Variants in ABCC4 observed in about 807,000 individuals in gnomAD.
ABCC4 encodes ATP-binding cassette sub-family C member 4.
Under a neutral mutation model 168.5 loss-of-function variants are expected in ABCC4, and 102 were observed. That is an observed-to-expected ratio of 0.61 (90% confidence interval 0.52 to 0.71). The LOEUF (loss-of-function observed/expected upper bound fraction) is 0.71, where lower values mean the gene tolerates loss of function less well. Ranked by LOEUF, ABCC4 falls within the 30% of genes least tolerant of loss-of-function variation. ABCC4 has a pLI of 0.00. For missense variants in ABCC4, 1,402 were observed against 1,605.8 expected (o/e 0.87, Z 2.17); for synonymous variants, 617 against 590.7 (o/e 1.04, Z -0.65).
intron 1 of ABCC4, among the ~76,000 whole-genome samples, chr13:95,266,783 G>GC (rs2040687615): frequency 6.6e-6 from 1 of 150,952 alleles, no homozygotes; most frequent in African/African-American, 2.4e-5. Flanking sequence ...TCTGTGCACT[G>GC]CATTACCAGC....
rs552394068 is a variant in ABCC4 at position 95,165,232 on chromosome 13, G to A, written c.2035-714C>T. ...AGATGGAAACATAAAAGAGCAGGGG[G>A]TCAAAACATGAGCTCAACACAGTAA... On this transcript the variant is annotated intron_variant, in intron 15 of 30. Coordinates refer to ENST00000645237, the MANE Select transcript of ABCC4 (RefSeq NM_005845.5). Among the ~76,000 whole-genome samples, 4 of 152,264 alleles carry A rather than the reference G, an allele frequency of 2.6e-5. No individual in the cohort carries two copies. The South Asian group carries it at 6.2e-4, about 24-fold the overall frequency.
intron 20 of ABCC4, among the ~76,000 whole-genome samples, chr13:95,107,206 G>A (rs554567779): frequency 7.2e-5 from 11 of 152,282 alleles, no homozygotes; most frequent in Admixed American, 5.9e-4. Flanking sequence ...ACAGTGAGCC[G>A]AGATGGCACC....
At chr13:95,104,928 A>G (rs1594102162) in intron 20 of ABCC4, among the ~76,000 whole-genome samples, 1 of 152,126 alleles carries the variant, frequency 6.6e-6, no homozygotes, top group African/African-American at 2.4e-5. Context: ...GCGGAGGACA[A>G]TTTTTCCATG....
intron 14 of ABCC4, among the ~76,000 whole-genome samples, chr13:95,169,887 C>A (rs906479200): frequency 1.3e-5 from 2 of 152,130 alleles, no homozygotes; most frequent in Non-Finnish European, 2.9e-5. Context: ...GACAGAGTCT[C>A]ACTCTGTAGC....
intron 2 of ABCC4, 58 bp downstream of exon 2, chr13:95,247,585 C>A: frequency 7.2e-7 from 1 of 1,382,828 alleles, no homozygotes; most frequent in Non-Finnish European, 1.0e-6. Flanking sequence ...GCAAAACCCA[C>A]TCCCCACACA....
rs1199166132 is a variant in ABCC4, at chr13:95,206,615, C to G, written c.1078G>C (p.Ala360Pro). The change falls in exon 8 of 31, where the codon GCT (alanine) becomes CCT (proline). Residue 360 changes from alanine to proline, a missense_variant. This residue lies in a region of ABCC4 where 78 missense variants were observed against 133.0 expected (regional missense o/e 0.59). Coordinates refer to ENST00000645237, the MANE Select transcript of ABCC4 (RefSeq NM_005845.5). Reference sequence around the variant, plus strand: ...AAGAGGGTAACCGTCAGCCGCACAGCCCCATACAGCGTCACTGCCACGAAC... The same window carrying G: ...AAGAGGGTAACCGTCAGCCGCACAGGCCCATACAGCGTCACTGCCACGAAC... ...RVFVAVTLYG[A>P]VRLTVTLFFP... 1 of 1,614,070 alleles carries G rather than the reference C, an allele frequency of 6.2e-7. No individual in the cohort carries two copies. Among genetic ancestry groups the G allele is most frequent in the African/African-American group, 1.3e-5 (1 of 74,918 alleles).
intron 1 of ABCC4, among the ~76,000 whole-genome samples, chr13:95,294,208 A>T (rs545102272): frequency 5.3e-5 from 8 of 151,942 alleles, no homozygotes; most frequent in South Asian, 2.1e-4. Flanking sequence ...AATAAATAAA[A>T]AATTATCCGG....
intron 9 of ABCC4, among the ~76,000 whole-genome samples, chr13:95,194,068 C>A (rs933882470): frequency 1.3e-5 from 2 of 152,336 alleles, no homozygotes; most frequent in African/African-American, 4.8e-5. Context: ...AGGGAGCCCA[C>A]TGCTTCCTTG....
intron 4 of ABCC4, among the ~76,000 whole-genome samples, chr13:95,221,096 G>A (rs562206038): frequency 2.0e-5 from 3 of 152,278 alleles, no homozygotes; most frequent in South Asian, 2.1e-4. Context: ...ACTCACAAAA[G>A]GATAAATATG....
intron 19 of ABCC4, among the ~76,000 whole-genome samples, chr13:95,147,021 T>G (rs1488935437): frequency 1.3e-5 from 2 of 152,212 alleles, no homozygotes; most frequent in Non-Finnish European, 1.5e-5. Flanking sequence ...TATCAAATTA[T>G]TTCTAAAAGA....
chr13:95,198,782 A>C (rs2038535666), intron 8 of ABCC4, among the ~76,000 whole-genome samples: 1 of 152,230 alleles, frequency 6.6e-6, no homozygotes, highest in African/African-American at 2.4e-5. Context: ...GCAGCCATAA[A>C]AAAGGATGAG....
At chr13:95,108,110 TACTG>T (rs1269816648) in intron 20 of ABCC4, among the ~76,000 whole-genome samples, 11 of 152,158 alleles carry the variant, frequency 7.2e-5, no homozygotes, top group African/African-American at 2.7e-4. Context: ...CTGGGAATCT[TACTG>T]ACCACTCAAA....
intron 4 of ABCC4, among the ~76,000 whole-genome samples, chr13:95,218,891 AT>A (rs1388668854): frequency 4.1e-5 from 3 of 73,276 alleles, no homozygotes; most frequent in African/African-American, 1.8e-4. Flanking sequence ...AGACAGACAG[AT>A]GAGAGAGAGA....
intron 26 of ABCC4, among the ~76,000 whole-genome samples, chr13:95,056,656 A>C (rs2033069052): frequency 1.3e-5 from 2 of 152,000 alleles, no homozygotes; most frequent in Admixed American, 1.3e-4. Flanking sequence ...AAGAAAAAAA[A>C]AAAAAAAGGA....
rs1053725944 is a variant in ABCC4 at position 95,236,583 on chromosome 13, T to C, written c.307-1749A>G. Among the ~76,000 whole-genome samples the C allele has an allele frequency of 2.9e-5, 3 of 104,296 alleles. No individual in the cohort carries two copies. The Admixed American group carries it at 3.0e-4, about 11-fold the overall frequency. The allele number at this position is 104,296 out of a possible 152,430, so 68.4% of individuals were successfully genotyped here. ...AAATCCCAACAAGCCTGTCTCGGCATGTGAACGCGCGCGTGCGCGCACACA... is the reference window on the plus strand; with the variant it reads ...AAATCCCAACAAGCCTGTCTCGGCACGTGAACGCGCGCGTGCGCGCACACA... On this transcript the variant is annotated intron_variant, in intron 3 of 30. Coordinates refer to ENST00000645237, the MANE Select transcript of ABCC4 (RefSeq NM_005845.5).
intron 1 of ABCC4, among the ~76,000 whole-genome samples, chr13:95,251,771 G>A (rs1353992042): frequency 6.6e-6 from 1 of 152,176 alleles, no homozygotes; most frequent in Admixed American, 6.5e-5. Flanking sequence ...ATCCCCTGTG[G>A]CAGGCTACTG....
In ABCC4 at chr13:95,075,552, C is replaced by A; in HGVS notation, c.2687-1G>T. ...AAGTGGGAAAACACTGGACTCCGAGCTGGGGAAACAGACAGAGAAAACAGC... is the reference window on the plus strand; with the variant it reads ...AAGTGGGAAAACACTGGACTCCGAGATGGGGAAACAGACAGAGAAAACAGC... On this transcript the variant is annotated splice_acceptor_variant, in intron 21 of 30. Transcript: ENST00000645237. LOFTEE classifies it high-confidence loss of function. 6.2e-7 allele frequency: 1 copy of A among 1,614,036 alleles called. No homozygotes were observed. The highest frequency in any genetic ancestry group is 8.5e-7 in the Non-Finnish European group (1 of 1,179,968).
chr13:95,105,843 C>T (rs2034984132), intron 20 of ABCC4, among the ~76,000 whole-genome samples: 1 of 152,144 alleles, frequency 6.6e-6, no homozygotes, highest in Non-Finnish European at 1.5e-5. Flanking sequence ...GAGGAGACAT[C>T]CACTGCCACA....
chr13:95,068,296 A>G (rs2033614675), intron 25 of ABCC4, among the ~76,000 whole-genome samples: 1 of 152,200 alleles, frequency 6.6e-6, no homozygotes, highest in Non-Finnish European at 1.5e-5. Context: ...AAATGAAGCT[A>G]AAGGTGACAC....
Sources: allele counts gnomAD v4.1 joint callset (sites outside exome capture counted in the v4.1 genomes callset), GRCh38; gene constraint gnomAD v4.1.1; regional missense constraint gnomAD v4.1.1; transcripts MANE v1.5; gene names NCBI Gene and HGNC (gene_info 2026-07-23, HGNC 2026-07-21).